The following CD2AP variants were observed in gnomAD, a reference collection of about 807,000 sequenced individuals.
CD2AP encodes CD2 associated protein.
A neutral mutation model predicts 85.1 loss-of-function variants in CD2AP; 46 were observed. That is an observed-to-expected ratio of 0.54 (90% CI 0.43 to 0.69). The LOEUF (loss-of-function observed/expected upper bound fraction) is 0.69. Among genes scored for constraint, CD2AP ranks in the 30% least tolerant of loss-of-function variants. The pLI is 0.00. For synonymous variants in CD2AP, 255 were observed against 252.9 expected, an observed-to-expected ratio of 1.01 and a Z score of -0.08; for missense variants, 769 against 729.5, an observed-to-expected ratio of 1.05 and a Z score of -0.62.
chr6:47,585,639 G>A (rs1310012922), intron 11 of CD2AP, among the ~76,000 whole-genome samples: 1 of 152,158 alleles, frequency 6.6e-6, no homozygotes, highest in Non-Finnish European at 1.5e-5. Context: ...GTGGGGCAGA[G>A]TGCCAGAGTG....
intron 1 of CD2AP, 106 bp downstream of exon 1, chr6:47,478,354 C>T (rs1765359238): frequency 3.1e-6 from 4 of 1,272,176 alleles, no homozygotes; most frequent in Non-Finnish European, 4.5e-6. Context: ...AGCCCCTGAG[C>T]GGCAGCACCC....
At chr6:47,581,829 G>A (rs1437671808) in intron 10 of CD2AP, among the ~76,000 whole-genome samples, 174 bp from the exon 11 acceptor site, 5 of 152,174 alleles carry the variant, frequency 3.3e-5, no homozygotes, top group Non-Finnish European at 7.4e-5. Context: ...TAGGGTAATA[G>A]TGGCAGGTCC....
At chr6:47,507,437 A>G (rs1178276449) in intron 2 of CD2AP, among the ~76,000 whole-genome samples, 1 of 152,214 alleles carries the variant, frequency 6.6e-6, no homozygotes, top group East Asian at 1.9e-4. Flanking sequence ...GAGCAGAAGA[A>G]TCACTATCTA....
At chr6:47,608,334 A>G (rs980546570) in intron 15 of CD2AP, among the ~76,000 whole-genome samples, 2 of 152,192 alleles carry the variant, frequency 1.3e-5, no homozygotes, top group Admixed American at 6.5e-5. Flanking sequence ...GAACACTTGT[A>G]TAGTACTTAC....
intron 16 of CD2AP, among the ~76,000 whole-genome samples, chr6:47,610,971 ATTTTTTT>A (rs11331165): frequency 8.9e-6 from 1 of 112,908 alleles, no homozygotes. Flanking sequence ...ATATATATGT[ATTTTTTT>A]TTTTTTTTGA....
At chr6:47,588,467 T>G (rs1768690006) in intron 11 of CD2AP, among the ~76,000 whole-genome samples, 1 of 152,176 alleles carries the variant, frequency 6.6e-6, no homozygotes, top group Non-Finnish European at 1.5e-5. Flanking sequence ...GATTATGACG[T>G]GTTTACATTT....
rs556266303 is a variant in CD2AP at position 47,502,382 on chromosome 6, T to C, written c.5-898T>C. On this transcript the variant is annotated intron_variant, in intron 1 of 17. Transcript: ENST00000359314. ...TGCCTTGACCTCCTGGGTCAAGCAGTGCTCCAAAGTAGCTGGGACTACAGG... is the reference window on the plus strand; with the variant it reads ...TGCCTTGACCTCCTGGGTCAAGCAGCGCTCCAAAGTAGCTGGGACTACAGG... 6.6e-5 allele frequency among the ~76,000 whole-genome samples: 10 copies of C among 152,228 alleles called. No homozygotes were observed. In the South Asian group the frequency reaches 1.9e-3, roughly 28 times the overall value.
chr6:47,587,902 C>T lies in CD2AP; in HGVS notation c.1108+5837C>T, dbSNP rs554665816. ...ACTTTCACTGGTAGAAGCAGTGAATCTGCTCACTTTTGCTTTAGGAGCATT... is the reference window on the plus strand; with the variant it reads ...ACTTTCACTGGTAGAAGCAGTGAATTTGCTCACTTTTGCTTTAGGAGCATT... On this transcript the variant is annotated intron_variant, in intron 11 of 17. Coordinates refer to ENST00000359314, the MANE Select transcript of CD2AP (RefSeq NM_012120.3). Among the ~76,000 whole-genome samples the T allele has an allele frequency of 2.0e-5, 3 of 152,270 alleles. No homozygotes were observed. The South Asian group carries it at 6.2e-4, about 32-fold the overall frequency.
At chr6:47,485,184 A>C (rs1184879931) in intron 1 of CD2AP, among the ~76,000 whole-genome samples, 1 of 152,184 alleles carries the variant, frequency 6.6e-6, no homozygotes, top group African/African-American at 2.4e-5. Context: ...TCTACTTATT[A>C]AAAGAAGTTA....
intron 2 of CD2AP, among the ~76,000 whole-genome samples, chr6:47,516,076 AT>A (rs1349228952): frequency 6.6e-6 from 1 of 152,192 alleles, no homozygotes; most frequent in Non-Finnish European, 1.5e-5. Context: ...GAAAACCAAG[AT>A]TTTATTATAC....
At position 47,503,270 on chromosome 6, in the gene CD2AP, CCT is replaced by C; in HGVS notation, c.5-9_5-8del. 1.9e-6 allele frequency: 3 copies of C among 1,612,736 alleles called. No individual in the cohort carries two copies. The highest frequency in any genetic ancestry group is 2.5e-6 in the Non-Finnish European group (3 of 1,179,048). On this transcript the variant is annotated splice_region_variant and splice_polypyrimidine_tract_variant and intron_variant, in intron 1 of 17. Transcript: ENST00000359314. ...GATTTTAGACATTTCGTTTTTTCCC[CCT>C]TTTTTAGTTGACTATATTGTGGAGT...
intron 2 of CD2AP, among the ~76,000 whole-genome samples, chr6:47,507,993 T>A (rs911479006): frequency 2.0e-5 from 3 of 152,226 alleles, no homozygotes; most frequent in African/African-American, 7.2e-5. Context: ...TGTGCTGTCA[T>A]CTAGGCTTTG....
intron 1 of CD2AP, among the ~76,000 whole-genome samples, chr6:47,487,690 A>AAAACAAACAAAC (rs140796042): frequency 4.0e-4 from 60 of 151,622 alleles, no homozygotes; most frequent in African/African-American, 1.4e-3. Flanking sequence ...ACTCTGTCTC[A>AAAACAAACAAAC]AAACAAACAA....
intron 5 of CD2AP, among the ~76,000 whole-genome samples, chr6:47,570,693 A>G (rs1768125126): frequency 6.6e-6 from 1 of 152,142 alleles, no homozygotes; most frequent in African/African-American, 2.4e-5. Context: ...AAAGCACTTC[A>G]CAGGAATAAA....
chr6:47,539,871 G>T (rs1767160788), intron 3 of CD2AP, among the ~76,000 whole-genome samples: 1 of 151,948 alleles, frequency 6.6e-6, no homozygotes, highest in African/African-American at 2.4e-5. Context: ...AGTATTAAAG[G>T]TTACTTATGA....
chr6:47,529,924 A>C (rs1766828031), intron 2 of CD2AP, among the ~76,000 whole-genome samples: 2 of 152,192 alleles, frequency 1.3e-5, no homozygotes, highest in Admixed American at 1.3e-4. Flanking sequence ...TGCTCCAGGC[A>C]AATTTAGTGT....
intron 14 of CD2AP, among the ~76,000 whole-genome samples, chr6:47,606,999 T>C (rs1254423515): frequency 2.0e-5 from 3 of 152,050 alleles, no homozygotes; most frequent in African/African-American, 7.2e-5. Flanking sequence ...GATAACCATC[T>C]TTCTGTTCTC....
At chr6:47,484,706 A>G (rs1024161261) in intron 1 of CD2AP, among the ~76,000 whole-genome samples, 2 of 152,122 alleles carry the variant, frequency 1.3e-5, no homozygotes, top group Non-Finnish European at 2.9e-5. Context: ...CAGTTTCTCA[A>G]CTCATTTGCA....
At chr6:47,606,541 G>T (rs1310899335) in intron 14 of CD2AP, among the ~76,000 whole-genome samples, 1 of 151,978 alleles carries the variant, frequency 6.6e-6, no homozygotes, top group African/African-American at 2.4e-5. Context: ...GACAAAGAAA[G>T]AACCTGTTTA....
Sources: allele counts gnomAD v4.1 joint callset (sites outside exome capture counted in the v4.1 genomes callset), GRCh38; gene constraint gnomAD v4.1.1; transcripts MANE v1.5; gene names NCBI Gene and HGNC (gene_info 2026-07-23, HGNC 2026-07-21).